MED13L: variants seen among roughly 807,000 people sequenced by gnomAD.
The protein encoded by MED13L is mediator complex subunit 13L.
Under a neutral mutation model 220.9 loss-of-function variants are expected in MED13L, and 7 were observed. The observed-to-expected ratio is 0.03, with a 90% CI of 0.02 to 0.06. The LOEUF is 0.06. MED13L is among the 10% of genes least tolerant of loss of function. The pLI is 1.00. For synonymous variants in MED13L, 1,011 were observed against 1,015.2 expected (o/e 1.00, Z 0.08); for missense variants, 1,965 against 2,760.5 (o/e 0.71, Z 6.46).
intron 2 of MED13L, among the ~76,000 whole-genome samples, chr12:116,167,231 A>G (rs1304139719): frequency 6.6e-6 from 1 of 152,218 alleles, no homozygotes. Context: ...TTGTTACAAT[A>G]AAAAGATACT....
intron 2 of MED13L, among the ~76,000 whole-genome samples, chr12:116,219,286 T>C (rs1238386390): frequency 2.0e-5 from 3 of 152,228 alleles, no homozygotes; most frequent in Non-Finnish European, 4.4e-5. Context: ...ATTTAAATTA[T>C]ATTCATGTTA....
intron 2 of MED13L, among the ~76,000 whole-genome samples, chr12:116,198,526 T>C (rs1446369353): frequency 6.6e-6 from 1 of 152,128 alleles, no homozygotes; most frequent in Non-Finnish European, 1.5e-5. Flanking sequence ...CCTACAGAAG[T>C]TTAGATGTGC....
chr12:116,042,303 T>G (rs1032071914), intron 4 of MED13L, among the ~76,000 whole-genome samples: 1 of 152,134 alleles, frequency 6.6e-6, no homozygotes, highest in East Asian at 1.9e-4. Flanking sequence ...TCCCTGAAAG[T>G]GTAATGAAGG....
intron 1 of MED13L, among the ~76,000 whole-genome samples, chr12:116,269,671 A>T (rs954422402): frequency 6.6e-6 from 1 of 152,154 alleles, no homozygotes; most frequent in African/African-American, 2.4e-5. Flanking sequence ...AAAACAAAAC[A>T]AAACAGACAA....
chr12:116,250,208 G>T (rs1259879340), intron 1 of MED13L, among the ~76,000 whole-genome samples: 1 of 151,546 alleles, frequency 6.6e-6, no homozygotes, highest in Admixed American at 6.6e-5. Flanking sequence ...AAAAACAATG[G>T]AAAAATATGC....
intron 30 of MED13L, among the ~76,000 whole-genome samples, chr12:115,962,323 C>G (rs1233872620): frequency 6.6e-6 from 1 of 152,150 alleles, no homozygotes; most frequent in Admixed American, 6.5e-5. Flanking sequence ...GAGTACACAA[C>G]CTAGATCCCT....
Position 116,240,536 on chromosome 12 carries a change from A to T in MED13L, c.73-2831T>A, listed in dbSNP as rs950576439. Among the ~76,000 whole-genome samples, 33 of 143,870 alleles carry T rather than the reference A, an allele frequency of 2.3e-4. No homozygotes were observed. In the South Asian group the frequency reaches 2.9e-3, roughly 13 times the overall value. 94.4% of individuals were successfully genotyped at this position (143,870 alleles called of 152,430 possible). A position where few individuals can be genotyped will look rare whatever the true frequency, so the allele number is the denominator to read the frequency against. On this transcript the variant is annotated intron_variant, in intron 1 of 30. Transcript: ENST00000281928. ...AAAAGGTAAGCAGAAGATTTATTTT[A>T]TTTTTTTTTTTTTGGAGACGGAGTC...
intron 4 of MED13L, among the ~76,000 whole-genome samples, chr12:116,085,295 C>T (rs1465931428): frequency 2.0e-5 from 3 of 152,092 alleles, no homozygotes; most frequent in African/African-American, 7.2e-5. Flanking sequence ...AGCCCAATTG[C>T]TCAAACTTGA....
intron 2 of MED13L, among the ~76,000 whole-genome samples, chr12:116,141,217 A>C (rs1166966263): frequency 6.6e-6 from 1 of 152,196 alleles, no homozygotes; most frequent in East Asian, 1.9e-4. Context: ...AGCCACAATT[A>C]ATCTGTTAAC....
intron 4 of MED13L, among the ~76,000 whole-genome samples, chr12:116,061,594 A>G (rs1025778748): frequency 1.6e-4 from 25 of 152,358 alleles, no homozygotes; most frequent in African/African-American, 6.0e-4. Flanking sequence ...TACAGTCTCC[A>G]CCACAAATCA....
chr12:116,046,147 ACT>A (rs1881819302), intron 4 of MED13L, among the ~76,000 whole-genome samples: 1 of 152,172 alleles, frequency 6.6e-6, no homozygotes, highest in Non-Finnish European at 1.5e-5. Context: ...GTTTATAGTC[ACT>A]CACACACACA....
At chr12:116,153,011 T>C (rs73200217) in intron 2 of MED13L, among the ~76,000 whole-genome samples, 3 of 151,890 alleles carry the variant, frequency 2.0e-5, no homozygotes, top group Non-Finnish European at 2.9e-5. Flanking sequence ...CACGCCCAGG[T>C]AGGACATTTA....
chr12:116,036,557 T>C (rs1300452533), intron 4 of MED13L, among the ~76,000 whole-genome samples: 1 of 152,218 alleles, frequency 6.6e-6, no homozygotes, highest in Non-Finnish European at 1.5e-5. Flanking sequence ...ACACTCCTTT[T>C]CATGGTGTAA....
intron 3 of MED13L, among the ~76,000 whole-genome samples, chr12:116,102,144 CTGTG>C (rs941926111): frequency 2.0e-5 from 3 of 152,168 alleles, no homozygotes; most frequent in Non-Finnish European, 4.4e-5. Context: ...TGAAATCAGG[CTGTG>C]TGTATGTGTG....
At chr12:116,049,885 T>C (rs1882049664) in intron 4 of MED13L, among the ~76,000 whole-genome samples, 1 of 152,144 alleles carries the variant, frequency 6.6e-6, no homozygotes, top group Non-Finnish European at 1.5e-5. Flanking sequence ...ATTTCTTAAA[T>C]AGAATAGAAT....
At chr12:116,127,928 A>G (rs1021334308) in intron 2 of MED13L, among the ~76,000 whole-genome samples, 2 of 152,172 alleles carry the variant, frequency 1.3e-5, no homozygotes, top group Non-Finnish European at 2.9e-5. Flanking sequence ...TACCTCTTCC[A>G]ACACCCTCTG....
rs1566020439 is a variant in MED13L, at chr12:116,031,699, A to AGAAAAGAAAAGAAAAG, written c.480-9114_480-9099dup. On this transcript the variant is annotated intron_variant, in intron 4 of 30. Transcript: ENST00000281928. The stretch of plus-strand genomic sequence containing the variant: ...AAAAAAGAAAAGAAAAGAAAAGAAA[A>AGAAAAGAAAAGAAAAG]GAAAAGAAAAGAAAAGAAAAGAAAA... 5.8e-4 allele frequency among the ~76,000 whole-genome samples: 24 copies of AGAAAAGAAAAGAAAAG among 41,420 alleles called. 2 individuals carry two copies. Among genetic ancestry groups the AGAAAAGAAAAGAAAAG allele is most frequent in the Non-Finnish European group, 1.2e-3 (21 of 18,256 alleles). 27.2% of individuals were successfully genotyped at this position (41,420 alleles called of 152,430 possible). A position where few individuals can be genotyped will look rare whatever the true frequency, so the allele number is the denominator to read the frequency against.
intron 29 of MED13L, among the ~76,000 whole-genome samples, chr12:115,964,454 C>G (rs1427025153): frequency 6.6e-6 from 1 of 152,114 alleles, no homozygotes; most frequent in Non-Finnish European, 1.5e-5. Flanking sequence ...TCATAAAGTT[C>G]CTCATCAACT....
intron 4 of MED13L, among the ~76,000 whole-genome samples, chr12:116,049,361 T>C (rs922903784): frequency 2.0e-5 from 3 of 152,220 alleles, no homozygotes; most frequent in Non-Finnish European, 4.4e-5. Context: ...ATGTTACAGA[T>C]TTTTATTAGC....
Sources: allele counts gnomAD v4.1 joint callset (sites outside exome capture counted in the v4.1 genomes callset), GRCh38; gene constraint gnomAD v4.1.1; transcripts MANE v1.5; gene names NCBI Gene and HGNC (gene_info 2026-07-23, HGNC 2026-07-21).